USP15: variants seen among roughly 807,000 people sequenced by gnomAD.
USP15 encodes ubiquitin carboxyl-terminal hydrolase 15.
A neutral mutation model predicts 127.1 loss-of-function variants in USP15; 18 were observed. That is an observed-to-expected ratio of 0.14 (90% CI 0.10 to 0.21). The LOEUF (loss-of-function observed/expected upper bound fraction) is 0.21, where lower values mean the gene tolerates loss of function less well. USP15 is among the 10% of genes least tolerant of loss of function. USP15 has a pLI of 1.00. For synonymous variants in USP15, 364 were observed against 393.7 expected (o/e 0.92, Z 0.89); for missense variants, 805 against 1,159.9 (o/e 0.69, Z 4.44).
chr12:62,357,587 G>C (rs985343903), intron 8 of USP15, among the ~76,000 whole-genome samples: 6 of 152,024 alleles, frequency 3.9e-5, no homozygotes, highest in African/African-American at 1.4e-4. Flanking sequence ...TTTTAGCAGT[G>C]AGTATTTTAA....
chr12:62,403,472 C>T (rs2067759873), intron 21 of USP15, among the ~76,000 whole-genome samples: 1 of 152,010 alleles, frequency 6.6e-6, no homozygotes. Flanking sequence ...GGAAAGGTCA[C>T]CCATTTCAGT....
chr12:62,373,397 A>C (rs921716361), intron 8 of USP15, among the ~76,000 whole-genome samples: 1 of 152,006 alleles, frequency 6.6e-6, no homozygotes. Context: ...ATTGAATTCA[A>C]ATAGTATGTG....
At chr12:62,278,152 A>G (rs2063545748) in intron 1 of USP15, among the ~76,000 whole-genome samples, 1 of 152,108 alleles carries the variant, frequency 6.6e-6, no homozygotes, top group South Asian at 2.1e-4. Flanking sequence ...AGGCCTGCAC[A>G]GTCAGGGTGA....
chr12:62,301,841 T>A (rs1268835636), intron 2 of USP15, among the ~76,000 whole-genome samples: 5 of 152,304 alleles, frequency 3.3e-5, no homozygotes, highest in Non-Finnish European at 7.4e-5. Context: ...TCCGTATCTG[T>A]TAATTAAGAC....
intron 1 of USP15, among the ~76,000 whole-genome samples, chr12:62,291,755 CTA>C (rs1376676225): frequency 6.6e-6 from 1 of 152,036 alleles, no homozygotes; most frequent in East Asian, 1.9e-4. Context: ...GGCAAAGACT[CTA>C]TATGAATTTC....
chr12:62,384,407 A>C (rs2067082391), intron 11 of USP15, 105 bp downstream of exon 11: 2 of 855,130 alleles, frequency 2.3e-6, no homozygotes, highest in East Asian at 5.4e-5. Context: ...TTAAGTATTG[A>C]ATTATCAAGC....
chr12:62,288,072 A>C lies in USP15; in HGVS notation c.90-6107A>C, dbSNP rs755680452. Among the ~76,000 whole-genome samples the C allele has an allele frequency of 9.9e-5, 15 of 151,976 alleles. 1 individual carries two copies. Among genetic ancestry groups the C allele is most frequent in the Middle Eastern group, 3.2e-3 (1 of 316 alleles). On this transcript the variant is annotated intron_variant, in intron 1 of 21. Coordinates refer to ENST00000280377, the MANE Select transcript of USP15 (RefSeq NM_001252078.2). Reference sequence around the variant, plus strand: ...GCTTAGTATTGCTTAATCTATTGAGATTCTTTTTTTTATTTCATATGAGTT... The same window carrying C: ...GCTTAGTATTGCTTAATCTATTGAGCTTCTTTTTTTTATTTCATATGAGTT...
chr12:62,400,100 C>G (rs1019948425), intron 20 of USP15, among the ~76,000 whole-genome samples: 1 of 152,064 alleles, frequency 6.6e-6, no homozygotes, highest in Admixed American at 6.6e-5. Flanking sequence ...TTTTTAGAAA[C>G]AATGACCACA....
rs146892500 is a variant in USP15 at position 62,341,788 on chromosome 12, C to G, written c.684-7433C>G. Among the ~76,000 whole-genome samples the G allele has an allele frequency of 8.9e-3, 1,356 of 152,272 alleles. 69 individuals carry two copies. The East Asian group carries it at 0.14, about 15-fold the overall frequency. Reference sequence around the variant, plus strand: ...GGCTTCCCTTTGTAGGTGACCTGACCTTTCTCTCTGGCTGCCCTTAACGTT... The same window carrying G: ...GGCTTCCCTTTGTAGGTGACCTGACGTTTCTCTCTGGCTGCCCTTAACGTT... On this transcript the variant is annotated intron_variant, in intron 6 of 21. Coordinates refer to ENST00000280377, the MANE Select transcript of USP15 (RefSeq NM_001252078.2).
Position 62,416,319 on chromosome 12 carries a change from T to G in USP15, c.*11944T>G, listed in dbSNP as rs377209169. 2 of 152,208 alleles carry G rather than the reference T, an allele frequency of 1.3e-5. No homozygotes were observed. Among genetic ancestry groups the G allele is most frequent in the Admixed American group, 1.3e-4 (2 of 15,278 alleles). The allele number at this position is 152,208 out of a possible 1,614,324, so 9.4% of individuals were successfully genotyped here. Reference sequence around the variant, plus strand: ...TGATGGAAGAATATTGTTCTTAAGATGTTAAGATGGTGTATGTGTGGCATA... The same window carrying G: ...TGATGGAAGAATATTGTTCTTAAGAGGTTAAGATGGTGTATGTGTGGCATA... On this transcript the variant is annotated 3_prime_UTR_variant, in exon 22 of 22. Coordinates refer to ENST00000280377, the MANE Select transcript of USP15 (RefSeq NM_001252078.2).
chr12:62,344,399 TGG>T (rs776778012), intron 6 of USP15, among the ~76,000 whole-genome samples: 38 of 152,318 alleles, frequency 2.5e-4, no homozygotes, highest in Non-Finnish European at 4.6e-4. Flanking sequence ...TGGGTCACGC[TGG>T]CACAAGAGGT....
intron 7 of USP15, among the ~76,000 whole-genome samples, chr12:62,350,868 C>T (rs768306012): frequency 6.6e-6 from 1 of 152,148 alleles, no homozygotes; most frequent in Non-Finnish European, 1.5e-5. Flanking sequence ...TCAAGCAATC[C>T]TCCTGCCTCA....
chr12:62,393,371 T>C (rs1176952242), intron 19 of USP15, among the ~76,000 whole-genome samples, 169 bp downstream of exon 19: 1 of 152,212 alleles, frequency 6.6e-6, no homozygotes, highest in Non-Finnish European at 1.5e-5. Context: ...TGTTTCAAAA[T>C]TTTTATTTTT....
At chr12:62,330,947 A>C (rs1034783153) in intron 6 of USP15, among the ~76,000 whole-genome samples, 3 of 151,852 alleles carry the variant, frequency 2.0e-5, no homozygotes, top group African/African-American at 7.3e-5. Context: ...AAAAAAAAAA[A>C]AAACAGAAAA....
At chr12:62,290,574 ATCTTT>A (rs2063933007) in intron 1 of USP15, among the ~76,000 whole-genome samples, 1 of 152,128 alleles carries the variant, frequency 6.6e-6, no homozygotes, top group Non-Finnish European at 1.5e-5. Context: ...GCCAATCTTT[ATCTTT>A]TAAGTAGAGC....
chr12:62,304,113 CATT>C (rs1434112953), intron 3 of USP15, among the ~76,000 whole-genome samples: 1 of 152,028 alleles, frequency 6.6e-6, no homozygotes, highest in Non-Finnish European at 1.5e-5. Context: ...AAATGTAGCA[CATT>C]ATACACTAGC....
At chr12:62,370,887 C>T (rs2066643084) in intron 8 of USP15, among the ~76,000 whole-genome samples, 1 of 152,160 alleles carries the variant, frequency 6.6e-6, no homozygotes, top group South Asian at 2.1e-4. Context: ...CCTACACTTT[C>T]TTATAGGTAC....
At chr12:62,269,191 G>A (rs996791643) in intron 1 of USP15, among the ~76,000 whole-genome samples, 3 of 151,944 alleles carry the variant, frequency 2.0e-5, no homozygotes, top group Admixed American at 6.6e-5. Flanking sequence ...TCTTAAGGGG[G>A]TACTTACACA....
intron 2 of USP15, among the ~76,000 whole-genome samples, chr12:62,298,712 C>T (rs2064209296): frequency 6.6e-6 from 1 of 151,586 alleles, no homozygotes; most frequent in African/African-American, 2.4e-5. Flanking sequence ...CACCTGTAGT[C>T]CCAGTACTTG....
Sources: gnomAD v4.1 joint callset for allele counts (sites outside exome capture counted in the v4.1 genomes callset) on GRCh38, gnomAD v4.1.1 for gene constraint, MANE v1.5 for transcripts, NCBI Gene and HGNC (gene_info 2026-07-23, HGNC 2026-07-21) for gene names.